Variants in RAD54B observed in about 807,000 individuals in gnomAD.
RAD54B encodes DNA repair and recombination protein RAD54B.
A neutral mutation model predicts 95.8 loss-of-function variants in RAD54B; 78 were observed. The ratio of observed to expected loss-of-function variants is 0.81; its 90% CI spans 0.68 to 0.98. The LOEUF (loss-of-function observed/expected upper bound fraction) is 0.98. RAD54B is among the 50% of genes least tolerant of loss of function. The probability of loss-of-function intolerance (pLI) is 0.00; values close to 1 mark genes in which losing one functional copy is unlikely to be tolerated. For synonymous variants in RAD54B, 328 were observed against 354.9 expected (o/e 0.92, Z 0.85); for missense variants, 957 against 1,056.6 (o/e 0.91, Z 1.31).
At chr8:94,392,764 A>ATTT (rs34856809) in intron 9 of RAD54B, among the ~76,000 whole-genome samples, 17,918 of 72,172 alleles carry the variant, frequency 0.25, 2,250 homozygotes, top group East Asian at 0.38. Flanking sequence ...CACCTGGCTG[A>ATTT]TTTTTTTTTT....
chr8:94,391,967 G>T, intron 9 of RAD54B, 68 bp from the exon 10 acceptor site: 1 of 1,359,436 alleles, frequency 7.4e-7, no homozygotes, highest in East Asian at 2.3e-5. Context: ...GAACATTAAA[G>T]ATTTCATAAT....
At chr8:94,439,148 C>G (rs1441438846) in intron 3 of RAD54B, among the ~76,000 whole-genome samples, 1 of 151,998 alleles carries the variant, frequency 6.6e-6, no homozygotes, top group Non-Finnish European at 1.5e-5. Context: ...GGAAAGAGTA[C>G]TCTTCTGTAC....
At chr8:94,466,933 T>C (rs924240405) in intron 2 of RAD54B, among the ~76,000 whole-genome samples, 2 of 152,170 alleles carry the variant, frequency 1.3e-5, no homozygotes, top group South Asian at 2.1e-4. Flanking sequence ...ATTCCATTGA[T>C]TGATTGAATG....
chr8:94,386,927 G>T (rs1468926615), intron 11 of RAD54B, 57 bp downstream of exon 11: 4 of 1,246,378 alleles, frequency 3.2e-6, no homozygotes, highest in Non-Finnish European at 2.1e-6. Flanking sequence ...AGGAAGTAAA[G>T]AAATAGTGCA....
At position 94,395,520 on chromosome 8, in the gene RAD54B, A is replaced by G. The variant is rs140273834; in HGVS notation, c.1379-1638T>C. On this transcript the variant is annotated intron_variant, in intron 8 of 14. Transcript: ENST00000336148. ...AGGAGAATACAGCTCTCATTCAATC[A>G]AAGATAATTCTCCAGAAAAGGAAGG... Among the ~76,000 whole-genome samples the G allele has an allele frequency of 1.8e-3, 269 of 152,298 alleles. 4 individuals are homozygous for G. The highest frequency in any genetic ancestry group is 6.2e-3 in the African/African-American group (259 of 41,552).
At chr8:94,384,033 A>G (rs1452776379) in intron 11 of RAD54B, among the ~76,000 whole-genome samples, 1 of 152,232 alleles carries the variant, frequency 6.6e-6, no homozygotes, top group African/African-American at 2.4e-5. Flanking sequence ...ATTTATATCC[A>G]AAAGAATTTA....
At chr8:94,420,182 T>TTA (rs1811769428) in intron 3 of RAD54B, among the ~76,000 whole-genome samples, 1 of 151,970 alleles carries the variant, frequency 6.6e-6, no homozygotes, top group Non-Finnish European at 1.5e-5. Context: ...ATTCCTGTCA[T>TTA]TAAGCAACAT....
At chr8:94,448,328 C>T (rs1027020586) in intron 3 of RAD54B, among the ~76,000 whole-genome samples, 1 of 152,060 alleles carries the variant, frequency 6.6e-6, no homozygotes, top group African/African-American at 2.4e-5. Flanking sequence ...CAGGAGATAA[C>T]AAATGTTGGC....
chr8:94,372,146 T>G lies in RAD54B; in HGVS notation c.*24A>C. 3 of 1,570,370 alleles carry G rather than the reference T, an allele frequency of 1.9e-6. No individual in the cohort carries two copies. The highest frequency in any genetic ancestry group is 2.6e-6 in the Non-Finnish European group (3 of 1,166,266). The stretch of plus-strand genomic sequence containing the variant: ...ATACTAATTTTCAAAAGAAGAGCAA[T>G]GGAATGTCAGAAGTAATCTTTCACT... On this transcript the variant is annotated 3_prime_UTR_variant, in exon 15 of 15. Coordinates refer to ENST00000336148, the MANE Select transcript of RAD54B (RefSeq NM_012415.3).
At chr8:94,410,797 G>A (rs982485215) in intron 4 of RAD54B, among the ~76,000 whole-genome samples, 4 of 152,130 alleles carry the variant, frequency 2.6e-5, no homozygotes, top group Non-Finnish European at 4.4e-5. Flanking sequence ...CTTAAAAAGA[G>A]AGAGAGAGAA....
chr8:94,378,652 G>T lies in RAD54B; in HGVS notation c.2248-18C>A. 6.4e-7 allele frequency: 1 copy of T among 1,556,474 alleles called. No homozygotes were observed. The highest frequency in any genetic ancestry group is 1.2e-5 in the South Asian group (1 of 86,590). On this transcript the variant is annotated intron_variant, in intron 12 of 14. Coordinates refer to ENST00000336148, the MANE Select transcript of RAD54B (RefSeq NM_012415.3). ...GACATTGCCTATAGAAAATAAGTGA[G>T]AATTCTGAGAGTACAGTAGAAACTA...
chr8:94,461,132 A>AAGTTG (rs1812890889), intron 2 of RAD54B, among the ~76,000 whole-genome samples: 1 of 150,344 alleles, frequency 6.7e-6, no homozygotes. Context: ...ATAATAGGCA[A>AAGTTG]AGTTGTCATG....
In RAD54B at chr8:94,409,872, T is replaced by C. The variant is rs567566222; in HGVS notation, c.499+1249A>G. Among the ~76,000 whole-genome samples the C allele has an allele frequency of 4.7e-4, 71 of 152,330 alleles. 1 individual carries two copies. In the South Asian group the frequency reaches 0.014, roughly 30 times the overall value. On this transcript the variant is annotated intron_variant, in intron 4 of 14. Transcript: ENST00000336148. ...TCTCTCACTGACTTTAGAATTTCAC[T>C]AAAGAGGCAATACCAATGCATGAAC...
intron 11 of RAD54B, 67 bp from the exon 12 acceptor site, chr8:94,380,473 G>A: frequency 1.4e-6 from 2 of 1,427,310 alleles, no homozygotes; most frequent in South Asian, 2.8e-5. Context: ...TTAGTTGAAA[G>A]AAAATACCAC....
At chr8:94,444,431 A>C (rs552120443) in intron 3 of RAD54B, among the ~76,000 whole-genome samples, 1 of 152,080 alleles carries the variant, frequency 6.6e-6, no homozygotes, top group Admixed American at 6.5e-5. Flanking sequence ...AAAAACTAAA[A>C]CTAAAAACAA....
chr8:94,439,702 C>T (rs953027190), intron 3 of RAD54B, among the ~76,000 whole-genome samples: 2 of 151,894 alleles, frequency 1.3e-5, no homozygotes, highest in Non-Finnish European at 2.9e-5. Flanking sequence ...GCGGCGGGGG[C>T]GGTGTTCCAG....
chr8:94,385,349 GA>G (rs33952323), intron 11 of RAD54B, among the ~76,000 whole-genome samples: 2 of 146,294 alleles, frequency 1.4e-5, no homozygotes, highest in African/African-American at 2.5e-5. Flanking sequence ...ACCCTTCAGA[GA>G]AAAAAAAAAG....
At chr8:94,414,553 T>C (rs1811607950) in intron 3 of RAD54B, among the ~76,000 whole-genome samples, 1 of 152,232 alleles carries the variant, frequency 6.6e-6, no homozygotes. Context: ...TTGAATTTTG[T>C]CAAAGGCCTT....
intron 3 of RAD54B, chr8:94,428,116 T>C (rs1467722961): frequency 2.2e-6 from 2 of 916,812 alleles, no homozygotes; most frequent in Admixed American, 6.2e-5. Context: ...TACATTCATA[T>C]GGATAAGAGA....
Sources: allele counts gnomAD v4.1 joint callset (sites outside exome capture counted in the v4.1 genomes callset), GRCh38; gene constraint gnomAD v4.1.1; transcripts MANE v1.5; gene names NCBI Gene and HGNC (gene_info 2026-07-23, HGNC 2026-07-21).